Variants in PRPF6 observed in about 807,000 individuals in gnomAD.
The protein encoded by PRPF6 is pre-mRNA-processing factor 6.
Under a neutral mutation model 118.3 loss-of-function variants are expected in PRPF6, and 42 were observed. The ratio of observed to expected loss-of-function variants is 0.35; its 90% CI spans 0.28 to 0.46. The LOEUF is 0.46. Ranked by LOEUF, PRPF6 falls within the 20% of genes least tolerant of loss-of-function variation. PRPF6 has a pLI of 1.00. For missense variants in PRPF6, 662 were observed against 1,255.7 expected (o/e 0.53, Z 7.15); for synonymous variants, 481 against 485.1 (o/e 0.99, Z 0.11).
rs914671976 is a variant in PRPF6, at chr20:64,032,729, G to A, written c.2674-112G>A. 14 of 1,393,118 alleles carry A rather than the reference G, an allele frequency of 1.0e-5. No homozygotes were observed. The African/African-American group carries it at 2.0e-4, about 20-fold the overall frequency. 86.3% of individuals were successfully genotyped at this position (1,393,118 alleles called of 1,614,324 possible). ...AGGGCCTGTGCCCTCTGGCCCGCCA[G>A]TTGGGGTTGGTGCTGCCAGGGCCAG... On this transcript the variant is annotated intron_variant, in intron 20 of 20. Coordinates refer to ENST00000266079, the MANE Select transcript of PRPF6 (RefSeq NM_012469.4).
At chr20:63,986,228 C>G (rs898432089) in intron 3 of PRPF6, among the ~76,000 whole-genome samples, 1 of 151,256 alleles carries the variant, frequency 6.6e-6, no homozygotes, top group Non-Finnish European at 1.5e-5. Flanking sequence ...GCCTATAATC[C>G]CAGCTACTTG....
intron 6 of PRPF6, among the ~76,000 whole-genome samples, chr20:63,995,923 C>T (rs1287449678): frequency 6.6e-6 from 1 of 151,958 alleles, no homozygotes; most frequent in African/African-American, 2.4e-5. Context: ...TCCCAAAATG[C>T]GGGGATTACA....
intron 12 of PRPF6, among the ~76,000 whole-genome samples, chr20:64,022,015 T>C (rs1221306430): frequency 6.9e-6 from 1 of 144,738 alleles, no homozygotes; most frequent in Admixed American, 6.9e-5. Flanking sequence ...TGTGTGTGTG[T>C]GCATGCACGT....
intron 2 of PRPF6, among the ~76,000 whole-genome samples, 186 bp from the exon 3 acceptor site, chr20:63,984,719 CCT>C (rs954714196): frequency 2.0e-5 from 3 of 152,196 alleles, no homozygotes; most frequent in African/African-American, 7.2e-5. Context: ...TTGGGGGTCT[CCT>C]CTGTCTTCCA....
chr20:64,001,234 GGAAAGGT>G lies in PRPF6; in HGVS notation c.1184_1186+4del, dbSNP rs1569216095. 4.3e-6 allele frequency: 7 copies of G among 1,614,194 alleles called. No homozygotes were observed. Among genetic ancestry groups the G allele is most frequent in the Non-Finnish European group, 5.9e-6 (7 of 1,180,030 alleles). ...ATTCGTGCAAAGAAGCGGGTTCTTCGGAAAGGTGAGCCTCCCTCGGAGGTGCTGCTTT... is the reference window on the plus strand; with the variant it reads ...ATTCGTGCAAAGAAGCGGGTTCTTCGGAGCCTCCCTCGGAGGTGCTGCTTT... On this transcript the variant is annotated splice_donor_variant and coding_sequence_variant, in exon 9 of 21. Coordinates refer to ENST00000266079, the MANE Select transcript of PRPF6 (RefSeq NM_012469.4). LOFTEE classifies it high-confidence loss of function.
chr20:64,032,782 C>G (rs543028184), intron 20 of PRPF6, 59 bp from the exon 21 acceptor site: 1 of 1,553,630 alleles, frequency 6.4e-7, no homozygotes. Context: ...GAGAAGCAGG[C>G]GAGGTCCGGG....
At position 64,000,856 on chromosome 20, in the gene PRPF6, C is replaced by T. The variant is rs1021609788; in HGVS notation, c.1024-221C>T. Among the ~76,000 whole-genome samples, 10 of 152,302 alleles carry T rather than the reference C, an allele frequency of 6.6e-5. No homozygotes were observed. The East Asian group carries it at 9.7e-4, about 15-fold the overall frequency. The stretch of plus-strand genomic sequence containing the variant: ...GGCTGGGATTACAGGCGTGAGCCAC[C>T]GCGCCCGGCCATTAGGTGTTCTTCA... On this transcript the variant is annotated intron_variant, in intron 8 of 20. Coordinates refer to ENST00000266079, the MANE Select transcript of PRPF6 (RefSeq NM_012469.4).
At position 64,027,904 on chromosome 20, in the gene PRPF6, G is replaced by A. The variant is rs1200048233; in HGVS notation, c.2339+168G>A. On this transcript the variant is annotated intron_variant, in intron 17 of 20. Transcript: ENST00000266079. The surrounding 1 kb of genome is among the most constrained non-coding windows in gnomAD (Gnocchi z 6.5). Reference sequence around the variant, plus strand: ...AAATCACGGTCCCTGCCTTAGGAGAGTTCGGCCTAGGTACTGTGACAGGCC... The same window carrying A: ...AAATCACGGTCCCTGCCTTAGGAGAATTCGGCCTAGGTACTGTGACAGGCC... Among the ~76,000 whole-genome samples, 1 of 152,190 alleles carries A rather than the reference G, an allele frequency of 6.6e-6. No individual in the cohort carries two copies. The highest frequency in any genetic ancestry group is 2.4e-5 in the African/African-American group (1 of 41,438).
intron 3 of PRPF6, among the ~76,000 whole-genome samples, chr20:63,988,072 C>T (rs774401370): frequency 1.3e-4 from 20 of 151,898 alleles, no homozygotes; most frequent in Non-Finnish European, 2.6e-4. Flanking sequence ...GTAATCCCAG[C>T]ACCTTGGGAG....
intron 6 of PRPF6, 98 bp from the exon 7 acceptor site, chr20:63,998,947 C>T (rs776558465): frequency 5.2e-6 from 4 of 766,198 alleles, no homozygotes; most frequent in African/African-American, 1.7e-5. Flanking sequence ...CTTCTGACTG[C>T]TCTCTCAGGG....
Position 63,995,394 on chromosome 20 carries a change from C to T in PRPF6, c.683C>T (p.Pro228Leu). The T allele has an allele frequency of 6.2e-7, 1 of 1,614,072 alleles. No homozygotes were observed. The highest frequency in any genetic ancestry group is 8.5e-7 in the Non-Finnish European group (1 of 1,180,028). The change falls in exon 6 of 21, where the codon CCA becomes CTA. Residue 228 changes from proline (P) to leucine (L), a missense_variant. By Grantham distance (98) the Pro-to-Leu change is moderately conservative. Around this residue, in one of 10 missense-constraint regions of PRPF6, gnomAD observed 97 missense variants for 122.6 expected, o/e 0.79. Transcript: ENST00000266079. ...LNTPYPGGMT[P>L]GLMTPGTGEL... ...ACTCCATACCCAGGTGGAATGACGC[C>T]AGGACTGATGACACCTGGCACAGGT...
intron 3 of PRPF6, among the ~76,000 whole-genome samples, chr20:63,991,303 C>G (rs969550742): frequency 2.0e-5 from 3 of 151,480 alleles, no homozygotes; most frequent in Non-Finnish European, 4.4e-5. Context: ...GCCCGTAGTT[C>G]CAGCTACATT....
Position 64,027,469 on chromosome 20 carries a change from G to A in PRPF6, c.2206-134G>A, listed in dbSNP as rs2059296046. 2.3e-6 allele frequency: 3 copies of A among 1,291,718 alleles called. No individual in the cohort carries two copies. In the East Asian group the frequency reaches 6.9e-5, roughly 30 times the overall value. The allele number at this position is 1,291,718 out of a possible 1,614,324, so 80.0% of individuals were successfully genotyped here. On this transcript the variant is annotated intron_variant, in intron 16 of 20. Transcript: ENST00000266079. The surrounding 1 kb of genome is among the most constrained non-coding windows in gnomAD (Gnocchi z 6.5). Reference sequence around the variant, plus strand: ...ACCTGTACACCCACAAATGCAGAGTGTGAGGGGTGTTTTTCCATGGACATG... The same window carrying A: ...ACCTGTACACCCACAAATGCAGAGTATGAGGGGTGTTTTTCCATGGACATG...
At chr20:63,999,995 A>AGGCT (rs1191519903) in intron 8 of PRPF6, among the ~76,000 whole-genome samples, 2 of 146,518 alleles carry the variant, frequency 1.4e-5, no homozygotes, top group Non-Finnish European at 1.5e-5. Context: ...TCTGTCACCC[A>AGGCT]GGCTGGAGTG....
At chr20:64,013,724 G>A (rs776280367) in intron 11 of PRPF6, among the ~76,000 whole-genome samples, 9 of 152,154 alleles carry the variant, frequency 5.9e-5, no homozygotes, top group African/African-American at 4.8e-5. Context: ...ACAGGCATCA[G>A]CTGCCATACC....
rs533084037 is a variant in PRPF6 at position 63,990,915 on chromosome 20, A to G, written c.360-2492A>G. Among the ~76,000 whole-genome samples the G allele has an allele frequency of 3.3e-5, 5 of 151,428 alleles. No homozygotes were observed. The East Asian group carries it at 9.9e-4, about 30-fold the overall frequency. ...GTGATCTGCCTGCCTTGGCCTCCCA[A>G]GGTGCTGGGATTACAGGCTTGAGCC... On this transcript the variant is annotated intron_variant, in intron 3 of 20. Coordinates refer to ENST00000266079, the MANE Select transcript of PRPF6 (RefSeq NM_012469.4).
chr20:63,981,876 C>T (rs931864138), intron 1 of PRPF6, among the ~76,000 whole-genome samples: 3 of 151,880 alleles, frequency 2.0e-5, no homozygotes, highest in Non-Finnish European at 4.4e-5. Flanking sequence ...TAAATAAGTA[C>T]GTAAAGAGGA....
rs5842437 is a variant in PRPF6 at position 64,006,316 on chromosome 20, C to CTT, written c.1187-3867_1187-3866dup. On this transcript the variant is annotated intron_variant, in intron 9 of 20. Coordinates refer to ENST00000266079, the MANE Select transcript of PRPF6 (RefSeq NM_012469.4). ...CCTTTGGAGTAGCTCGTAGCTTGCT[C>CTT]TTTTTTTTTTTTTTTTTTGAGACTG... is the stretch of plus-strand genomic sequence containing the variant. Among the ~76,000 whole-genome samples the CTT allele has an allele frequency of 8.5e-4, 87 of 102,488 alleles. No individual in the cohort carries two copies. In the South Asian group the frequency reaches 0.017, roughly 20 times the overall value. 67.2% of individuals were successfully genotyped at this position (102,488 alleles called of 152,430 possible). A position where few individuals can be genotyped will look rare whatever the true frequency, so the allele number is the denominator to read the frequency against.
chr20:64,027,706 G>A lies in PRPF6; in HGVS notation c.2309G>A (p.Arg770His), dbSNP rs760110452. 1.2e-5 allele frequency: 19 copies of A among 1,614,054 alleles called. No homozygotes were observed. Among genetic ancestry groups the A allele is most frequent in the Non-Finnish European group, 1.5e-5 (18 of 1,180,028 alleles). Residue 770 changes from arginine to histidine, a missense_variant, in exon 17 of 21, where the codon CGT becomes CAT. Physicochemically the swap from Arg to His is conservative, Grantham distance 29. This residue lies in a region of PRPF6 where 244 missense variants were observed against 383.7 expected (regional missense o/e 0.64). Coordinates refer to ENST00000266079, the MANE Select transcript of PRPF6 (RefSeq NM_012469.4). This position sits in a 1 kb window ranked among gnomAD's most constrained non-coding sequence, Gnocchi z 6.5. ...TRARAILEKS[R>H]LKNPKNPGLW... ...GCACGGGCCATTTTGGAAAAGTCTCGTCTGAAGAACCCAAAGAACCCTGGG... is the reference window on the plus strand; with the variant it reads ...GCACGGGCCATTTTGGAAAAGTCTCATCTGAAGAACCCAAAGAACCCTGGG...
Sources: gnomAD v4.1 joint callset for allele counts (sites outside exome capture counted in the v4.1 genomes callset) on GRCh38, gnomAD v4.1.1 for gene constraint, gnomAD v4.1.1 regional missense constraint, Gnocchi (gnomAD v3.1) non-coding constraint, MANE v1.5 for transcripts, NCBI Gene and HGNC (gene_info 2026-07-23, HGNC 2026-07-21) for gene names.